Variants in CCDC125 observed in about 807,000 individuals in gnomAD.
CCDC125 encodes coiled-coil domain containing 125.
CCDC125 carries 43 observed loss-of-function variants against 57.4 expected under a neutral mutation model. The observed-to-expected ratio is 0.75, with a 90% CI of 0.59 to 0.97. CCDC125 has a LOEUF of 0.97. Ranked by LOEUF, CCDC125 falls within the 50% of genes least tolerant of loss-of-function variation. The pLI is 0.00. For synonymous variants in CCDC125, 187 were observed against 195.2 expected, an observed-to-expected ratio of 0.96 and a Z score of 0.35; for missense variants, 563 against 595.7, an observed-to-expected ratio of 0.95 and a Z score of 0.57.
At chr5:69,295,709 AAT>A (rs1268784641) in intron 8 of CCDC125, among the ~76,000 whole-genome samples, 1 of 152,158 alleles carries the variant, frequency 6.6e-6, no homozygotes, top group Non-Finnish European at 1.5e-5. Flanking sequence ...TGGAATGTTA[AAT>A]ATACCTTCCC....
At position 69,307,971 on chromosome 5, in the gene CCDC125, G is replaced by T; in HGVS notation, c.511C>A (p.Gln171Lys). ...AATACCTTCTCCAAGGATCTGTTTT[G>T]TTCCATAGTTTTTTGAAGCACTGCC... ...TQAVLQKTME[Q>K]NRSLEKEINA... is the part of the protein sequence containing the mutation. The change falls in exon 5 of 12, where the codon CAA becomes AAA. Residue 171 changes from glutamine to lysine, a missense_variant. Gln to Lys is a moderately conservative substitution (Grantham distance 53, BLOSUM62 1). Transcript: ENST00000396496. 6.2e-7 allele frequency: 1 copy of T among 1,613,778 alleles called. No homozygotes were observed. Among genetic ancestry groups the T allele is most frequent in the South Asian group, 1.1e-5 (1 of 91,078 alleles).
intron 8 of CCDC125, among the ~76,000 whole-genome samples, chr5:69,299,276 AT>A (rs762500413): frequency 6.6e-6 from 1 of 151,694 alleles, no homozygotes. Flanking sequence ...CGCCTGGCTA[AT>A]TTTTTGTATT....
At chr5:69,277,013 G>A, downstream of CCDC125, 1 of 1,044,942 alleles carries the variant, frequency 9.6e-7, no homozygotes, top group South Asian at 1.5e-5. Flanking sequence ...AAATAATGTA[G>A]TTGGAATGCA....
chr5:69,294,997 C>T, intron 8 of CCDC125, 97 bp from the exon 9 acceptor site: 3 of 875,076 alleles, frequency 3.4e-6, no homozygotes, highest in Non-Finnish European at 5.2e-6. Context: ...ATGCACACTA[C>T]TACTCAGGCA....
At position 69,280,323 on chromosome 5, in the gene CCDC125, GATA is replaced by G. The variant is rs570607622; in HGVS notation, c.*2403_*2405del. On this transcript the variant is annotated 3_prime_UTR_variant, in exon 12 of 12. Transcript: ENST00000396496. ...GTCCTCAAACTGATCCTTTGCACAT[GATA>G]ATAATAAAAAACACACCTCTAGGTG... 21 of 152,292 alleles carry G rather than the reference GATA, an allele frequency of 1.4e-4. No homozygotes were observed. The highest frequency in any genetic ancestry group is 3.4e-4 in the African/African-American group (14 of 41,576). The allele number at this position is 152,292 out of a possible 1,614,324, so 9.4% of individuals were successfully genotyped here.
chr5:69,292,211 T>C lies in CCDC125; in HGVS notation c.1076A>G (p.Asn359Ser). 6.2e-7 allele frequency: 1 copy of C among 1,613,284 alleles called. No individual in the cohort carries two copies. Among genetic ancestry groups the C allele is most frequent in the African/African-American group, 1.3e-5 (1 of 75,026 alleles). ...ACCATCCTCTTTAAGGTGCTTCCAA[T>C]TCATCCATTTTGTTGCTTTTTTATG... ...KMHKKATKWM[N>S]WKHLKEDGFP... is the part of the protein sequence containing the mutation. The change falls in exon 10 of 12, where the codon AAT (asparagine) becomes AGT (serine). Residue 359 changes from asparagine (N) to serine (S), a missense_variant. By Grantham distance (46) the Asn-to-Ser change is conservative. Transcript: ENST00000396496.
At chr5:69,318,805 AT>A (rs1048623366) in intron 2 of CCDC125, among the ~76,000 whole-genome samples, 9 of 151,982 alleles carry the variant, frequency 5.9e-5, no homozygotes, top group East Asian at 3.9e-4. Context: ...AAGAAAAAAA[AT>A]GTCACCTCCT....
chr5:69,286,188 CTATATATATATA>C (rs59035946), intron 10 of CCDC125, among the ~76,000 whole-genome samples: 4,864 of 51,294 alleles, frequency 0.095, 252 homozygotes, highest in African/African-American at 0.19. Flanking sequence ...AAATGGTAAA[CTATATATATATA>C]TATATATATA....
At chr5:69,294,989 GC>G (rs1755088314) in intron 8 of CCDC125, 89 bp from the exon 9 acceptor site, 2 of 1,021,576 alleles carry the variant, frequency 2.0e-6, no homozygotes, top group South Asian at 2.9e-5. Context: ...ACATACCCAT[GC>G]ACACTACTAC....
chr5:69,295,078 T>C (rs762034069), intron 8 of CCDC125, among the ~76,000 whole-genome samples, 178 bp from the exon 9 acceptor site: 18 of 152,066 alleles, frequency 1.2e-4, no homozygotes, highest in Non-Finnish European at 2.4e-4. Context: ...AGAATACAAA[T>C]AGAAATTAAC....
chr5:69,307,692 AAAAAG>A, intron 5 of CCDC125: 4 of 434,544 alleles, frequency 9.2e-6, no homozygotes, highest in Admixed American at 7.3e-5. Flanking sequence ...AAAAAAAAAA[AAAAAG>A]AAGAAGAAAT....
chr5:69,328,857 C>A (rs899163137), intron 1 of CCDC125, among the ~76,000 whole-genome samples: 17 of 151,822 alleles, frequency 1.1e-4, no homozygotes, highest in South Asian at 2.1e-4. Context: ...GCAGTGGCGC[C>A]ATCTCACCTC....
At chr5:69,326,488 T>C (rs1392263842) in intron 1 of CCDC125, among the ~76,000 whole-genome samples, 6 of 152,126 alleles carry the variant, frequency 3.9e-5, no homozygotes, top group Non-Finnish European at 8.8e-5. Flanking sequence ...TGCAGTAGAC[T>C]CCTGCTTGTT....
chr5:69,296,715 G>A (rs1755377021), intron 8 of CCDC125, among the ~76,000 whole-genome samples: 1 of 152,172 alleles, frequency 6.6e-6, no homozygotes, highest in East Asian at 1.9e-4. Flanking sequence ...TATAATCCCA[G>A]CACTTTGGGA....
intron 10 of CCDC125, among the ~76,000 whole-genome samples, chr5:69,288,700 C>A (rs1753905966): frequency 6.6e-6 from 1 of 152,204 alleles, no homozygotes; most frequent in African/African-American, 2.4e-5. Context: ...TACATACAGC[C>A]AGTCAGTCAG....
intron 1 of CCDC125, 112 bp from the exon 2 acceptor site, chr5:69,320,692 C>T: frequency 1.6e-6 from 1 of 616,420 alleles, no homozygotes; most frequent in East Asian, 2.7e-5. Context: ...TGTCTACATT[C>T]CCATGTTTGC....
chr5:69,305,813 A>C (rs1424278481), intron 6 of CCDC125, among the ~76,000 whole-genome samples: 2 of 152,116 alleles, frequency 1.3e-5, no homozygotes, highest in African/African-American at 4.8e-5. Context: ...TGTTCACTGG[A>C]GCAAGGAGCC....
Position 69,282,725 on chromosome 5 carries a change from G to A in CCDC125, c.*4C>T. ...TCTCAGTTCCAATTTCAACTGGCTT[G>A]TCTTTAAAATATGATACTTGATGGC... On this transcript the variant is annotated 3_prime_UTR_variant, in exon 12 of 12. Transcript: ENST00000396496. 6.4e-7 allele frequency: 1 copy of A among 1,568,434 alleles called. No homozygotes were observed. Among genetic ancestry groups the A allele is most frequent in the South Asian group, 1.2e-5 (1 of 83,244 alleles).
rs1353036726 is a variant in CCDC125 at position 69,281,152 on chromosome 5, A to G, written c.*1577T>C. On this transcript the variant is annotated 3_prime_UTR_variant, in exon 12 of 12. Coordinates refer to ENST00000396496, the MANE Select transcript of CCDC125 (RefSeq NM_176816.5). ...CTGTGCGCCAGCCTACAAGAAATAC[A>G]AATGTACAGGGTAAAATCCTAGCTG... 6.6e-6 allele frequency: 1 copy of G among 152,234 alleles called. No individual in the cohort carries two copies. The highest frequency in any genetic ancestry group is 1.5e-5 in the Non-Finnish European group (1 of 68,054). The allele number at this position is 152,234 out of a possible 1,614,324, so 9.4% of individuals were successfully genotyped here. A position where few individuals can be genotyped will look rare whatever the true frequency, so the allele number is the denominator to read the frequency against.
Sources: allele counts gnomAD v4.1 joint callset (sites outside exome capture counted in the v4.1 genomes callset), GRCh38; gene constraint gnomAD v4.1.1; transcripts MANE v1.5; gene names NCBI Gene and HGNC (gene_info 2026-07-23, HGNC 2026-07-21).